PRKN: variants seen among roughly 807,000 people sequenced by gnomAD.
PRKN encodes parkin RBR E3 ubiquitin protein ligase.
In PRKN, 56 loss-of-function variants were observed where a neutral mutation model predicts 59.5. That is an observed-to-expected ratio of 0.94 (90% confidence interval 0.76 to 1.18). PRKN has a LOEUF of 1.18. PRKN is among the 50% of genes most tolerant of loss of function. The pLI, the probability that PRKN is intolerant of heterozygous loss-of-function variation, is 0.00. For missense variants in PRKN, 657 were observed against 596.4 expected (o/e 1.10, Z -1.06); for synonymous variants, 250 against 222.1 (o/e 1.13, Z -1.12).
At chr6:162,672,940 A>G (rs917327676) in intron 1 of PRKN, among the ~76,000 whole-genome samples, 6 of 152,224 alleles carry the variant, frequency 3.9e-5, no homozygotes, top group African/African-American at 9.6e-5. Flanking sequence ...TATCTTACAG[A>G]AAAGATTGTG....
rs772778323 is a variant in PRKN, at chr6:161,575,340, C to T, written c.872-5924G>A. On this transcript the variant is annotated intron_variant, in intron 7 of 11. Transcript: ENST00000366898. This position sits in a 1 kb window ranked among gnomAD's most constrained non-coding sequence, Gnocchi z 4.6. ...ACGGGGAAGCTCCTCAATGAAAACG[C>T]GTCACAAAGTTGTGTAGCATTTCCA... 1.3e-5 allele frequency among the ~76,000 whole-genome samples: 2 copies of T among 152,096 alleles called. No individual in the cohort carries two copies. The highest frequency in any genetic ancestry group is 2.9e-5 in the Non-Finnish European group (2 of 68,022).
At chr6:162,250,200 G>A (rs1446525944) in intron 3 of PRKN, among the ~76,000 whole-genome samples, 1 of 151,638 alleles carries the variant, frequency 6.6e-6, no homozygotes, top group Non-Finnish European at 1.5e-5. Context: ...GGGGGGCAGG[G>A]AATGGAGTGT....
chr6:162,640,794 T>C (rs1245271318), intron 1 of PRKN, among the ~76,000 whole-genome samples: 2 of 152,178 alleles, frequency 1.3e-5, no homozygotes, highest in African/African-American at 2.4e-5. Flanking sequence ...TGGTTCATAA[T>C]GCTGGTACAG....
intron 6 of PRKN, among the ~76,000 whole-genome samples, chr6:161,953,756 T>G (rs1232740089): frequency 6.6e-6 from 1 of 152,040 alleles, no homozygotes; most frequent in Non-Finnish European, 1.5e-5. Context: ...TCCGAACACA[T>G]CAGCAGGAAG....
At chr6:161,755,396 A>C (rs1459338594) in intron 7 of PRKN, among the ~76,000 whole-genome samples, 1 of 152,094 alleles carries the variant, frequency 6.6e-6, no homozygotes, top group African/African-American at 2.4e-5. Flanking sequence ...GATAGTTCTG[A>C]AATTGTCATG....
At chr6:162,673,488 C>T (rs556082852) in intron 1 of PRKN, among the ~76,000 whole-genome samples, 28 of 152,260 alleles carry the variant, frequency 1.8e-4, no homozygotes, top group African/African-American at 6.0e-4. Flanking sequence ...TGGGCTCACA[C>T]CGTGCTCCCA....
intron 7 of PRKN, among the ~76,000 whole-genome samples, chr6:161,612,174 C>T (rs572976376): frequency 4.3e-4 from 66 of 152,302 alleles, no homozygotes; most frequent in African/African-American, 1.5e-3. Context: ...GCAGCAAGTG[C>T]TGATATAGAA....
Position 161,377,032 on chromosome 6 carries a change from G to A in PRKN, c.1167+9762C>T, listed in dbSNP as rs750253527. The stretch of plus-strand genomic sequence containing the variant: ...CGAGGAGCAAAGGGCAGGGTCAGGC[G>A]GCATGCAAGCGCCCTGTCTCTGCGG... On this transcript the variant is annotated intron_variant, in intron 10 of 11. Coordinates refer to ENST00000366898, the MANE Select transcript of PRKN (RefSeq NM_004562.3). The surrounding 1 kb of genome is among the most constrained non-coding windows in gnomAD (Gnocchi z 4.2). Among the ~76,000 whole-genome samples the A allele has an allele frequency of 6.6e-4, 101 of 152,232 alleles. 1 individual carries two copies. The highest frequency in any genetic ancestry group is 2.8e-4 in the Non-Finnish European group (19 of 68,046).
Position 162,461,520 on chromosome 6 carries a change from A to G in PRKN, c.8-18047T>C, listed in dbSNP as rs1009766367. 4.7e-5 allele frequency among the ~76,000 whole-genome samples: 7 copies of G among 147,564 alleles called. No individual in the cohort carries two copies. In the East Asian group the frequency reaches 1.2e-3, roughly 25 times the overall value. On this transcript the variant is annotated intron_variant, in intron 1 of 11. Coordinates refer to ENST00000366898, the MANE Select transcript of PRKN (RefSeq NM_004562.3). Reference sequence around the variant, plus strand: ...GTCTCAAAAAAAAAAAAAAAAAAAAAAAAAAAAAGAAAGAAAAAGAAAAGA... The same window carrying G: ...GTCTCAAAAAAAAAAAAAAAAAAAAGAAAAAAAAGAAAGAAAAAGAAAAGA...
chr6:162,256,536 T>C (rs1251226842), intron 3 of PRKN, among the ~76,000 whole-genome samples: 1 of 152,170 alleles, frequency 6.6e-6, no homozygotes, highest in Non-Finnish European at 1.5e-5. Flanking sequence ...ATAATTACGA[T>C]GCTCAGATGA....
chr6:162,194,642 T>C (rs1784421359), intron 4 of PRKN, among the ~76,000 whole-genome samples: 1 of 152,130 alleles, frequency 6.6e-6, no homozygotes, highest in Admixed American at 6.6e-5. Context: ...GAATAATACA[T>C]GTATAAAAAA....
At chr6:161,722,460 A>G (rs1787265710) in intron 7 of PRKN, among the ~76,000 whole-genome samples, 1 of 152,188 alleles carries the variant, frequency 6.6e-6, no homozygotes, top group African/African-American at 2.4e-5. Flanking sequence ...ACTTGTTTCC[A>G]CTTTGTCACA....
In PRKN at chr6:162,171,239, AAGG is replaced by A. The variant is rs1176559719; in HGVS notation, c.534+29889_534+29891del. ...AAACGTAGGGTCATGGAGAAACTGG[AAGG>A]AGGAGGATAGAAGAAATAGGTGAAA... is the stretch of plus-strand genomic sequence containing the variant. On this transcript the variant is annotated intron_variant, in intron 4 of 11. Transcript: ENST00000366898. Among the ~76,000 whole-genome samples the A allele has an allele frequency of 3.9e-5, 6 of 152,260 alleles. No individual in the cohort carries two copies. In the East Asian group the frequency reaches 1.2e-3, roughly 29 times the overall value.
chr6:162,202,688 T>C (rs1052136438), intron 3 of PRKN, among the ~76,000 whole-genome samples: 10 of 152,208 alleles, frequency 6.6e-5, no homozygotes, highest in African/African-American at 2.4e-4. Context: ...GTAATATACA[T>C]GCAGCATAGA....
At chr6:161,979,685 T>G (rs1157027546) in intron 5 of PRKN, among the ~76,000 whole-genome samples, 2 of 152,206 alleles carry the variant, frequency 1.3e-5, no homozygotes, top group East Asian at 3.8e-4. Context: ...CTGTGATCCC[T>G]TCCTTCCATT....
intron 4 of PRKN, among the ~76,000 whole-genome samples, chr6:162,148,636 A>G (rs545750903): frequency 7.6e-4 from 115 of 152,012 alleles, no homozygotes; most frequent in Non-Finnish European, 1.3e-3. Context: ...CATATTTAAA[A>G]TGTGGAAAAA....
intron 5 of PRKN, among the ~76,000 whole-genome samples, chr6:162,046,381 C>T (rs936901969): frequency 1.3e-5 from 2 of 152,184 alleles, no homozygotes; most frequent in African/African-American, 2.4e-5. Context: ...CAGAAGATCG[C>T]AGATCATCAA....
chr6:162,332,204 A>C (rs1783613665), intron 2 of PRKN, among the ~76,000 whole-genome samples: 1 of 152,222 alleles, frequency 6.6e-6, no homozygotes, highest in Non-Finnish European at 1.5e-5. Context: ...TACAATTCCA[A>C]ATTATTAATT....
At chr6:161,511,891 G>A (rs902359190) in intron 9 of PRKN, among the ~76,000 whole-genome samples, 11 of 152,114 alleles carry the variant, frequency 7.2e-5, no homozygotes, top group Non-Finnish European at 1.0e-4. Flanking sequence ...TCACTTTAGC[G>A]GAGACAGCTC....
Sources: gnomAD v4.1 joint callset for allele counts (sites outside exome capture counted in the v4.1 genomes callset) on GRCh38, gnomAD v4.1.1 for gene constraint, Gnocchi (gnomAD v3.1) non-coding constraint, MANE v1.5 for transcripts, NCBI Gene and HGNC (gene_info 2026-07-23, HGNC 2026-07-21) for gene names.